PLCL2: variants seen among roughly 807,000 people sequenced by gnomAD.
PLCL2 encodes inactive phospholipase C-like protein 2.
Under a neutral mutation model 79.6 loss-of-function variants are expected in PLCL2, and 4 were observed. The observed-to-expected ratio is 0.05, with a 90% CI of 0.02 to 0.11. PLCL2 has a LOEUF of 0.11. Among genes scored for constraint, PLCL2 ranks in the 10% least tolerant of loss-of-function variants. The probability of loss-of-function intolerance (pLI) is 1.00; values close to 1 mark genes in which losing one functional copy is unlikely to be tolerated. For missense variants in PLCL2, 895 were observed against 1,291.0 expected, an observed-to-expected ratio of 0.69 and a Z score of 4.70; for synonymous variants, 484 against 457.7, an observed-to-expected ratio of 1.06 and a Z score of -0.73.
At chr3:16,945,581 A>G (rs117816735) in intron 1 of PLCL2, among the ~76,000 whole-genome samples, 1,634 of 152,190 alleles carry the variant, frequency 0.011, 30 homozygotes, top group Admixed American at 0.046. Context: ...CTTTTGATAT[A>G]TTCTGGATTT....
At chr3:16,890,553 TA>T (rs1696322200) in intron 1 of PLCL2, among the ~76,000 whole-genome samples, 1 of 152,254 alleles carries the variant, frequency 6.6e-6, no homozygotes, top group African/African-American at 2.4e-5. Flanking sequence ...CTTCAGACTT[TA>T]TACTTATGTG....
chr3:17,020,165 A>G (rs2064432639), intron 3 of PLCL2, among the ~76,000 whole-genome samples: 1 of 152,246 alleles, frequency 6.6e-6, no homozygotes, highest in Non-Finnish European at 1.5e-5. Flanking sequence ...AATGTTTAAA[A>G]TTGTTATGAG....
chr3:16,888,094 C>T (rs6777965), intron 1 of PLCL2, among the ~76,000 whole-genome samples: 15,549 of 152,134 alleles, frequency 0.1, 927 homozygotes, highest in Admixed American at 0.18. Context: ...GTCTTGACAG[C>T]CCTCTTTGTT....
chr3:17,009,171 G>A lies in PLCL2; in HGVS notation c.328-503G>A, dbSNP rs1389837709. Among the ~76,000 whole-genome samples, 2 of 151,542 alleles carry A rather than the reference G, an allele frequency of 1.3e-5. No individual in the cohort carries two copies. The highest frequency in any genetic ancestry group is 6.6e-5 in the Admixed American group (1 of 15,204). On this transcript the variant is annotated intron_variant, in intron 1 of 5. Transcript: ENST00000615277. This position sits in a 1 kb window ranked among gnomAD's most constrained non-coding sequence, Gnocchi z 4.0. ...GGCTAATTTTTGTATTTTTAGTAGA[G>A]ACAGGGTTTCAGCACGTTGGCCAGG... is the stretch of plus-strand genomic sequence containing the variant.
In PLCL2 at chr3:17,067,961, G is replaced by C; in HGVS notation, c.3100G>C (p.Glu1034Gln). 1 of 1,590,666 alleles carries C rather than the reference G, an allele frequency of 6.3e-7. No individual in the cohort carries two copies. The highest frequency in any genetic ancestry group is 8.6e-7 in the Non-Finnish European group (1 of 1,162,710). ...GTCTTTTTTATTTCTTTCAGCCATG[G>C]AATTCCATGAACACTTGCACAGCAT... is the stretch of plus-strand genomic sequence containing the variant. ...KIVHCQKAAM[E>Q]FHEHLHSIGT... The change falls in exon 5 of 6, where the codon GAA (glutamate) becomes CAA (glutamine). Residue 1034 changes from glutamate to glutamine, a missense_variant. Physicochemically the swap from Glu to Gln is conservative, Grantham distance 29 (BLOSUM62 2). This residue lies in a region of PLCL2 where 298 missense variants were observed against 459.6 expected (regional missense o/e 0.65). Transcript: ENST00000615277.
chr3:16,907,706 TG>T (rs1437066599), intron 1 of PLCL2, among the ~76,000 whole-genome samples: 1 of 152,158 alleles, frequency 6.6e-6, no homozygotes, highest in African/African-American at 2.4e-5. Context: ...GAGAATTAAT[TG>T]AAGTCATGCA....
intron 1 of PLCL2, among the ~76,000 whole-genome samples, chr3:16,962,576 A>G (rs2063765061): frequency 6.6e-6 from 1 of 152,192 alleles, no homozygotes; most frequent in Non-Finnish European, 1.5e-5. Context: ...TGATATTTTC[A>G]TAATCCTTAT....
intron 3 of PLCL2, among the ~76,000 whole-genome samples, chr3:17,034,405 T>C (rs780271768): frequency 2.3e-4 from 35 of 152,178 alleles, no homozygotes; most frequent in African/African-American, 6.0e-4. Context: ...ATATAAGTTA[T>C]TGGGAAATAA....
At chr3:17,076,820 G>T (rs1182186789) in intron 5 of PLCL2, among the ~76,000 whole-genome samples, 1 of 151,980 alleles carries the variant, frequency 6.6e-6, no homozygotes, top group Non-Finnish European at 1.5e-5. Flanking sequence ...TTTAATTCTT[G>T]ATATTTTTAT....
rs577384792 is a variant in PLCL2, at chr3:17,009,066, C to T, written c.328-608C>T. 6.6e-6 allele frequency among the ~76,000 whole-genome samples: 1 copy of T among 151,866 alleles called. No homozygotes were observed. Among genetic ancestry groups the T allele is most frequent in the South Asian group, 2.1e-4 (1 of 4,804 alleles). ...GTGACACAATCTCAGCTCACTGCAACCTTTGCCTCACGGATTCAAACGATT... is the reference window on the plus strand; with the variant it reads ...GTGACACAATCTCAGCTCACTGCAATCTTTGCCTCACGGATTCAAACGATT... On this transcript the variant is annotated intron_variant, in intron 1 of 5. Transcript: ENST00000615277. This position sits in a 1 kb window ranked among gnomAD's most constrained non-coding sequence, Gnocchi z 4.0.
intron 4 of PLCL2, among the ~76,000 whole-genome samples, chr3:17,047,484 G>A (rs945919425): frequency 2.6e-5 from 4 of 152,170 alleles, no homozygotes; most frequent in African/African-American, 9.7e-5. Context: ...TAAATGGAAG[G>A]TTCTTTGCTA....
At chr3:17,002,202 A>G (rs2064218503) in intron 1 of PLCL2, among the ~76,000 whole-genome samples, 1 of 152,098 alleles carries the variant, frequency 6.6e-6, no homozygotes, top group Admixed American at 6.6e-5. Context: ...ATTAGTAAAG[A>G]TACTAATTTT....
chr3:17,005,403 C>T (rs553328426), intron 1 of PLCL2, among the ~76,000 whole-genome samples: 1 of 152,290 alleles, frequency 6.6e-6, no homozygotes, highest in East Asian at 1.9e-4. Context: ...TGAAATTACC[C>T]ATGCCCATTT....
chr3:17,073,174 G>A (rs1001044671), intron 5 of PLCL2, among the ~76,000 whole-genome samples: 1 of 152,228 alleles, frequency 6.6e-6, no homozygotes, highest in Middle Eastern at 3.2e-3. Flanking sequence ...GTTTTGACAA[G>A]TGTATGTACA....
intron 1 of PLCL2, among the ~76,000 whole-genome samples, chr3:16,941,124 C>T (rs145836776): frequency 6.6e-6 from 1 of 152,212 alleles, no homozygotes; most frequent in Non-Finnish European, 1.5e-5. Context: ...AGTCCTTTGT[C>T]CCCTGTTCTC....
At chr3:16,890,851 G>A (rs1418510866) in intron 1 of PLCL2, among the ~76,000 whole-genome samples, 1 of 152,220 alleles carries the variant, frequency 6.6e-6, no homozygotes, top group Non-Finnish European at 1.5e-5. Flanking sequence ...ACTATTCTTT[G>A]TATCAGAGTA....
At chr3:17,025,836 A>G (rs1256919467) in intron 3 of PLCL2, among the ~76,000 whole-genome samples, 2 of 152,164 alleles carry the variant, frequency 1.3e-5, no homozygotes, top group Admixed American at 6.5e-5. Context: ...GTTACGTTAC[A>G]TTTGACCTCA....
At chr3:17,052,402 A>G (rs2064851873) in intron 4 of PLCL2, among the ~76,000 whole-genome samples, 4 of 152,182 alleles carry the variant, frequency 2.6e-5, no homozygotes, top group Admixed American at 2.6e-4. Context: ...TAGAAGAAGC[A>G]GTGCCCCCAA....
chr3:16,904,412 A>G (rs1035428984), intron 1 of PLCL2, among the ~76,000 whole-genome samples: 5 of 151,954 alleles, frequency 3.3e-5, no homozygotes, highest in Admixed American at 3.3e-4. Flanking sequence ...TGTGGAGAGA[A>G]TGCTTGTGTT....
Sources: allele counts gnomAD v4.1 joint callset (sites outside exome capture counted in the v4.1 genomes callset), GRCh38; gene constraint gnomAD v4.1.1; regional missense constraint gnomAD v4.1.1; non-coding constraint Gnocchi (gnomAD v3.1); transcripts MANE v1.5; gene names NCBI Gene and HGNC (gene_info 2026-07-23, HGNC 2026-07-21).